Variants in RICTOR observed in about 807,000 individuals in gnomAD.
The protein encoded by RICTOR is rapamycin-insensitive companion of mTOR.
In RICTOR, 49 loss-of-function variants were observed where a neutral mutation model predicts 214.9. The observed-to-expected ratio is 0.23, with a 90% CI of 0.18 to 0.29. RICTOR has a LOEUF of 0.29. RICTOR is among the 10% of genes least tolerant of loss of function. The pLI is 1.00. For missense variants in RICTOR, 1,625 were observed against 2,047.0 expected, an observed-to-expected ratio of 0.79 and a Z score of 3.98; for synonymous variants, 717 against 711.3, an observed-to-expected ratio of 1.01 and a Z score of -0.13.
chr5:39,013,911 T>G (rs570339190), intron 3 of RICTOR, among the ~76,000 whole-genome samples: 2 of 152,124 alleles, frequency 1.3e-5, no homozygotes, highest in African/African-American at 2.4e-5. Flanking sequence ...TCTACAGTCA[T>G]GCACTGCATA....
intron 19 of RICTOR, among the ~76,000 whole-genome samples, chr5:38,961,479 TTA>T (rs1213389519): frequency 6.6e-6 from 1 of 152,140 alleles, no homozygotes; most frequent in African/African-American, 2.4e-5. Flanking sequence ...TCTTTCAACA[TTA>T]TATCTTTCAA....
chr5:38,953,452 AT>A lies in RICTOR; in HGVS notation c.2790+8del. 7.6e-7 allele frequency: 1 copy of A among 1,314,128 alleles called. No individual in the cohort carries two copies. The highest frequency in any genetic ancestry group is 1.0e-6 in the Non-Finnish European group (1 of 964,016). 81.4% of individuals were successfully genotyped at this position (1,314,128 alleles called of 1,614,324 possible). On this transcript the variant is annotated splice_region_variant and intron_variant, in intron 28 of 37. Coordinates refer to ENST00000357387, the MANE Select transcript of RICTOR (RefSeq NM_152756.5). Reference sequence around the variant, plus strand: ...TTGCGAAGATCTTACAGAAGTGTTTATTACAAACCAAGGCCCAAAGAGATGC... The same window carrying A: ...TTGCGAAGATCTTACAGAAGTGTTTATACAAACCAAGGCCCAAAGAGATGC...
intron 7 of RICTOR, among the ~76,000 whole-genome samples, chr5:38,990,479 A>G (rs1472773152): frequency 8.6e-6 from 1 of 116,500 alleles, no homozygotes; most frequent in Non-Finnish European, 1.8e-5. Flanking sequence ...AACTTAAAGT[A>G]TAATTTAAAA....
chr5:39,048,904 A>G (rs1285600264), intron 2 of RICTOR, among the ~76,000 whole-genome samples: 1 of 152,200 alleles, frequency 6.6e-6, no homozygotes, highest in East Asian at 1.9e-4. Context: ...AAAAGTCTAC[A>G]TCCTAAGAAA....
chr5:39,062,041 T>C (rs561108411), intron 2 of RICTOR, among the ~76,000 whole-genome samples: 3 of 152,194 alleles, frequency 2.0e-5, no homozygotes, highest in Non-Finnish European at 2.9e-5. Flanking sequence ...TATTCTTATA[T>C]AACATATGAA....
chr5:38,961,375 T>C (rs76601065), intron 19 of RICTOR, among the ~76,000 whole-genome samples: 2 of 152,318 alleles, frequency 1.3e-5, no homozygotes, highest in African/African-American at 2.4e-5. Context: ...TGTAAGATAC[T>C]ACACTATGAT....
chr5:38,955,799 G>C, intron 25 of RICTOR, 95 bp from the exon 26 acceptor site: 1 of 728,812 alleles, frequency 1.4e-6, no homozygotes, highest in South Asian at 1.6e-5. Flanking sequence ...GACAGATCAA[G>C]GTATTATGAA....
At chr5:39,050,687 G>A (rs973542873) in intron 2 of RICTOR, among the ~76,000 whole-genome samples, 14 of 152,104 alleles carry the variant, frequency 9.2e-5, no homozygotes, top group Admixed American at 2.0e-4. Flanking sequence ...CACTGTGGTT[G>A]TATATTTTAA....
Position 38,962,905 on chromosome 5 carries a change from G to T in RICTOR, c.1537C>A (p.Arg513=), listed in dbSNP as rs780137414. 2.5e-6 allele frequency: 4 copies of T among 1,612,442 alleles called. No homozygotes were observed. Among genetic ancestry groups the T allele is most frequent in the Non-Finnish European group, 3.4e-6 (4 of 1,178,844 alleles). The stretch of plus-strand genomic sequence containing the variant: ...AGGATAAATATATCTTTCTGAACTC[G>T]GAGATACTGATCCCGTTTCTGGTGT... The part of the protein sequence containing the change: ...ATHQKRDQYL[R]VQKDIFILKD... Residue 513 remains arginine (R), a synonymous_variant, in exon 17 of 38, where the codon CGA becomes AGA. Transcript: ENST00000357387.
At chr5:39,070,880 T>G (rs986346644) in intron 2 of RICTOR, among the ~76,000 whole-genome samples, 1 of 152,208 alleles carries the variant, frequency 6.6e-6, no homozygotes, top group African/African-American at 2.4e-5. Flanking sequence ...ACAGACAGTA[T>G]TTAATAATAT....
chr5:38,969,561 G>A (rs1245972471), intron 11 of RICTOR: 1 of 151,818 alleles, frequency 6.6e-6, no homozygotes, highest in Non-Finnish European at 1.5e-5. Flanking sequence ...TCATGTCCTA[G>A]GTCTTAACAT....
intron 6 of RICTOR, among the ~76,000 whole-genome samples, chr5:38,991,317 T>C (rs1752758205): frequency 6.6e-6 from 1 of 151,738 alleles, no homozygotes; most frequent in South Asian, 2.1e-4. Flanking sequence ...AGACTATAAA[T>C]TCACTGACCA....
chr5:38,947,001 T>G (rs939525559), intron 32 of RICTOR, among the ~76,000 whole-genome samples: 1 of 151,584 alleles, frequency 6.6e-6, no homozygotes, highest in African/African-American at 2.4e-5. Context: ...AGAGAATATA[T>G]GGATAAAGAA....
rs552262903 is a variant in RICTOR, at chr5:38,976,710, T to C, written c.822-1106A>G. ...TCATTTCCCTGTTCCCTGGTCATAA[T>C]ATACCCTTATTTACAGGCCTGATAT... On this transcript the variant is annotated intron_variant, in intron 9 of 37. Coordinates refer to ENST00000357387, the MANE Select transcript of RICTOR (RefSeq NM_152756.5). Among the ~76,000 whole-genome samples the C allele has an allele frequency of 1.7e-4, 26 of 152,302 alleles. 1 individual carries two copies. The highest frequency in any genetic ancestry group is 5.3e-4 in the African/African-American group (22 of 41,568).
At chr5:39,024,896 T>C (rs1480485254) in intron 2 of RICTOR, among the ~76,000 whole-genome samples, 1 of 152,184 alleles carries the variant, frequency 6.6e-6, no homozygotes, top group African/African-American at 2.4e-5. Context: ...TCAACAAATA[T>C]TAACTGAATG....
chr5:39,022,812 C>T (rs998065361), intron 2 of RICTOR, among the ~76,000 whole-genome samples: 2 of 152,148 alleles, frequency 1.3e-5, no homozygotes, highest in Non-Finnish European at 2.9e-5. Context: ...CTTGCTGCAA[C>T]TGAAGGAAAC....
chr5:38,948,641 A>G (rs1307145173), intron 31 of RICTOR, among the ~76,000 whole-genome samples: 1 of 152,104 alleles, frequency 6.6e-6, no homozygotes, highest in Non-Finnish European at 1.5e-5. Flanking sequence ...AGGCTTAGGA[A>G]TGTTCAAAAT....
At chr5:39,063,963 C>T (rs1758727755) in intron 2 of RICTOR, among the ~76,000 whole-genome samples, 1 of 152,076 alleles carries the variant, frequency 6.6e-6, no homozygotes, top group African/African-American at 2.4e-5. Context: ...ATTAGAATAT[C>T]CTCAATTTTA....
intron 11 of RICTOR, chr5:38,970,828 CCAT>C (rs1289247276): frequency 1.2e-4 from 19 of 152,152 alleles, no homozygotes; most frequent in Admixed American, 8.5e-4. Flanking sequence ...ATCAAAACCA[CCAT>C]CGTTAAAATA....
Sources: gnomAD v4.1 joint callset for allele counts (sites outside exome capture counted in the v4.1 genomes callset) on GRCh38, gnomAD v4.1.1 for gene constraint, MANE v1.5 for transcripts, NCBI Gene and HGNC (gene_info 2026-07-23, HGNC 2026-07-21) for gene names.